SASH1: variants seen among roughly 807,000 people sequenced by gnomAD.
SASH1 encodes SAM and SH3 domain-containing protein 1.
A neutral mutation model predicts 125.2 loss-of-function variants in SASH1; 44 were observed. The observed-to-expected ratio is 0.35, with a 90% CI of 0.28 to 0.45. SASH1 has a LOEUF of 0.45. SASH1 is among the 20% of genes least tolerant of loss of function. The pLI is 1.00. For synonymous variants in SASH1, 639 were observed against 649.1 expected, an observed-to-expected ratio of 0.98 and a Z score of 0.24; for missense variants, 1,426 against 1,614.5, an observed-to-expected ratio of 0.88 and a Z score of 2.00.
chr6:148,512,691 A>T, intron 8 of SASH1: 1 of 985,348 alleles, frequency 1.0e-6, no homozygotes, highest in Non-Finnish European at 1.2e-6. Flanking sequence ...CCCCACCGTT[A>T]CCTGGGAGTC....
the SASH1 span, among the ~76,000 whole-genome samples, chr6:148,206,793 G>GCACACACACACACACACA: frequency 2.8e-4 from 38 of 134,566 alleles, no homozygotes; most frequent in African/African-American, 9.3e-4. Flanking sequence ...CCATCTCAAA[G>GCACACACACACACACACA]CACACACACA....
chr6:148,348,525 T>C (rs1016750350), intron 1 of SASH1, among the ~76,000 whole-genome samples: 16 of 152,180 alleles, frequency 1.1e-4, no homozygotes, highest in African/African-American at 3.9e-4. Flanking sequence ...GCAGTGCTCC[T>C]GTGTAGAGTC....
chr6:148,445,186 C>A (rs897557227), intron 4 of SASH1, among the ~76,000 whole-genome samples: 4 of 152,138 alleles, frequency 2.6e-5, no homozygotes, highest in Admixed American at 2.6e-4. Context: ...TCGGCAGGAT[C>A]TTTGACCTGT....
At chr6:148,465,671 C>T (rs565797571) in intron 4 of SASH1, among the ~76,000 whole-genome samples, 7 of 152,254 alleles carry the variant, frequency 4.6e-5, no homozygotes, top group African/African-American at 1.7e-4. Flanking sequence ...GACCCCAGCC[C>T]GCTGAAGTAA....
the SASH1 span, among the ~76,000 whole-genome samples, chr6:148,258,584 A>G: frequency 6.6e-6 from 1 of 152,142 alleles, no homozygotes; most frequent in Non-Finnish European, 1.5e-5. Context: ...ACCTTACTCC[A>G]CATGTAAAAA....
intron 7 of SASH1, among the ~76,000 whole-genome samples, chr6:148,486,243 C>T (rs573417465): frequency 6.6e-6 from 1 of 152,132 alleles, no homozygotes; most frequent in Non-Finnish European, 1.5e-5. Flanking sequence ...GCCTCAGCCT[C>T]CTGAGTAGCT....
At chr6:148,443,168 G>A (rs1041786562) in intron 4 of SASH1, among the ~76,000 whole-genome samples, 1 of 108,654 alleles carries the variant, frequency 9.2e-6, no homozygotes, top group African/African-American at 3.4e-5. Context: ...AAAAAAAAAT[G>A]GCTCACGGCA....
intron 12 of SASH1, among the ~76,000 whole-genome samples, chr6:148,528,177 T>TC (rs747833201): frequency 6.6e-6 from 1 of 152,092 alleles, no homozygotes; most frequent in South Asian, 2.1e-4. Flanking sequence ...AATTGATTTT[T>TC]CCCCCCTGGA....
intron 2 of SASH1, among the ~76,000 whole-genome samples, chr6:148,439,699 C>A (rs1408293938): frequency 6.6e-6 from 1 of 152,020 alleles, no homozygotes; most frequent in Non-Finnish European, 1.5e-5. Context: ...ATCACTTGAA[C>A]CTGGAAGGCG....
At chr6:148,476,442 G>A (rs1778349835) in intron 7 of SASH1, among the ~76,000 whole-genome samples, 1 of 152,100 alleles carries the variant, frequency 6.6e-6, no homozygotes, top group South Asian at 2.1e-4. Context: ...TACACTTTGG[G>A]AGGCCGAGGC....
At chr6:148,547,273 A>G (rs936047283) in intron 19 of SASH1, among the ~76,000 whole-genome samples, 1 of 152,208 alleles carries the variant, frequency 6.6e-6, no homozygotes, top group African/African-American at 2.4e-5. Flanking sequence ...TCTGATGACT[A>G]CGGGCTACTA....
intron 1 of SASH1, among the ~76,000 whole-genome samples, chr6:148,306,351 A>T (rs1780130150): frequency 6.6e-6 from 1 of 152,184 alleles, no homozygotes; most frequent in African/African-American, 2.4e-5. Context: ...GGAAGATGGA[A>T]ATTAACCAGC....
At chr6:148,202,096 G>C in the SASH1 span, among the ~76,000 whole-genome samples, 4 of 151,910 alleles carry the variant, frequency 2.6e-5, no homozygotes, top group African/African-American at 9.7e-5. Flanking sequence ...CATGCAGCAG[G>C]GTGGTCAAGC....
chr6:148,421,335 G>A (rs933834949), intron 2 of SASH1, among the ~76,000 whole-genome samples: 5 of 152,210 alleles, frequency 3.3e-5, no homozygotes, highest in South Asian at 2.1e-4. Context: ...ACAGAGTCTC[G>A]CTCTGTTACC....
intron 8 of SASH1, among the ~76,000 whole-genome samples, chr6:148,497,913 C>T (rs1180645877): frequency 7.9e-5 from 12 of 152,026 alleles, no homozygotes; most frequent in East Asian, 1.9e-4. Context: ...GTGCTGATGA[C>T]GTCGTCTCAT....
At chr6:148,430,072 A>G (rs1364843560) in intron 2 of SASH1, among the ~76,000 whole-genome samples, 2 of 152,214 alleles carry the variant, frequency 1.3e-5, no homozygotes, top group African/African-American at 4.8e-5. Context: ...TTTAAGGCCC[A>G]AGTGGGCAGA....
At chr6:148,264,498 AT>A in the SASH1 span, among the ~76,000 whole-genome samples, 3 of 152,230 alleles carry the variant, frequency 2.0e-5, no homozygotes, top group African/African-American at 7.2e-5. Context: ...TCTGCTTAAA[AT>A]TCTTCAATGG....
Position 148,495,543 on chromosome 6 carries a change from A to AC in SASH1, c.729+7830dup, listed in dbSNP as rs1182094238. On this transcript the variant is annotated intron_variant, in intron 8 of 19. Coordinates refer to ENST00000367467, the MANE Select transcript of SASH1 (RefSeq NM_015278.5). This position sits in a 1 kb window ranked among gnomAD's most constrained non-coding sequence, Gnocchi z 4.0. The stretch of plus-strand genomic sequence containing the variant: ...ACATTTCAAAGGTGTTAACATATAA[A>AC]CCTATATCATTAGCTTCATCATGTG... Among the ~76,000 whole-genome samples the AC allele has an allele frequency of 3.3e-5, 5 of 152,298 alleles. No homozygotes were observed. The East Asian group carries it at 7.7e-4, about 23-fold the overall frequency.
chr6:148,516,489 CGCCCCCT>C (rs796355442), intron 9 of SASH1, among the ~76,000 whole-genome samples: 28,858 of 97,448 alleles, frequency 0.3, 3,212 homozygotes, highest in Middle Eastern at 0.4. Context: ...CGCCAGTAGG[CGCCCCCT>C]CCCCCCTCCC....
Sources: gnomAD v4.1 joint callset for allele counts (sites outside exome capture counted in the v4.1 genomes callset) on GRCh38, gnomAD v4.1.1 for gene constraint, Gnocchi (gnomAD v3.1) non-coding constraint, MANE v1.5 for transcripts, NCBI Gene and HGNC (gene_info 2026-07-23, HGNC 2026-07-21) for gene names.